The following STK33 variants were observed in gnomAD, a reference collection of about 807,000 sequenced individuals.
The protein encoded by STK33 is serine/threonine-protein kinase 33.
In STK33, 52 loss-of-function variants were observed where a neutral mutation model predicts 58.0. That is an observed-to-expected ratio of 0.90 (90% CI 0.72 to 1.13). The LOEUF (loss-of-function observed/expected upper bound fraction) is 1.13, where lower values mean the gene tolerates loss of function less well. Ranked by LOEUF, STK33 falls within the 50% of genes most tolerant of loss-of-function variation. The pLI is 0.00. For missense variants in STK33, 630 were observed against 604.2 expected, an observed-to-expected ratio of 1.04 and a Z score of -0.45; for synonymous variants, 215 against 200.1, an observed-to-expected ratio of 1.07 and a Z score of -0.63.
intron 1 of STK33, among the ~76,000 whole-genome samples, chr11:8,498,081 A>G (rs1951199600): frequency 6.6e-6 from 1 of 152,244 alleles, no homozygotes; most frequent in Non-Finnish European, 1.5e-5. Flanking sequence ...GTAGTATACT[A>G]TATTAATGCA....
At chr11:8,444,783 T>C (rs1945209391) in intron 11 of STK33, among the ~76,000 whole-genome samples, 1 of 152,158 alleles carries the variant, frequency 6.6e-6, no homozygotes, top group South Asian at 2.1e-4. Context: ...GAAAAAATAA[T>C]AGAAACTTTA....
chr11:8,570,106 G>C (rs1957705090), intron 1 of STK33, among the ~76,000 whole-genome samples: 1 of 151,872 alleles, frequency 6.6e-6, no homozygotes, highest in Non-Finnish European at 1.5e-5. Flanking sequence ...AAAAAAATAG[G>C]CAAAAGAACA....
chr11:8,582,013 A>G (rs1020869452), intron 1 of STK33, among the ~76,000 whole-genome samples: 3 of 152,240 alleles, frequency 2.0e-5, no homozygotes, highest in African/African-American at 7.2e-5. Flanking sequence ...CAAAATGACT[A>G]TAGTGCTCCC....
intron 1 of STK33, among the ~76,000 whole-genome samples, chr11:8,540,868 TTTAG>T (rs1185229616): frequency 6.6e-6 from 1 of 152,052 alleles, no homozygotes; most frequent in African/African-American, 2.4e-5. Flanking sequence ...TATTAGACAT[TTTAG>T]TTAAATAACT....
At chr11:8,489,967 G>C (rs950974589) in intron 1 of STK33, among the ~76,000 whole-genome samples, 1 of 152,150 alleles carries the variant, frequency 6.6e-6, no homozygotes, top group Non-Finnish European at 1.5e-5. Flanking sequence ...TGGCCGAATA[G>C]GAACAGCTCT....
intron 1 of STK33, among the ~76,000 whole-genome samples, chr11:8,537,232 A>C (rs1023022389): frequency 6.6e-6 from 1 of 151,664 alleles, no homozygotes; most frequent in Non-Finnish European, 1.5e-5. Flanking sequence ...CGCCGACCTC[A>C]GCCTCCCAAA....
the STK33 span, among the ~76,000 whole-genome samples, chr11:8,385,379 C>T: frequency 6.6e-6 from 1 of 152,180 alleles, no homozygotes; most frequent in East Asian, 1.9e-4. Context: ...GACCTGACCC[C>T]TGTCTCTCCC....
At chr11:8,493,016 C>T (rs1460119792) in intron 1 of STK33, among the ~76,000 whole-genome samples, 1 of 151,774 alleles carries the variant, frequency 6.6e-6, no homozygotes, top group African/African-American at 2.4e-5. Flanking sequence ...AAATTGACAC[C>T]CTAACATTAC....
At chr11:8,363,349 A>G in the STK33 span, among the ~76,000 whole-genome samples, 246 of 152,322 alleles carry the variant, frequency 1.6e-3, no homozygotes, top group African/African-American at 5.8e-3. Flanking sequence ...TTCAGTATAC[A>G]GCTGGATGAT....
chr11:8,592,935 C>G (rs1179879217), intron 1 of STK33, among the ~76,000 whole-genome samples: 2 of 152,142 alleles, frequency 1.3e-5, no homozygotes, highest in East Asian at 1.9e-4. Context: ...TAAGAGGCTA[C>G]TACTGGACAA....
intron 7 of STK33, among the ~76,000 whole-genome samples, chr11:8,463,527 A>G (rs1185083679): frequency 6.6e-6 from 1 of 152,112 alleles, no homozygotes; most frequent in African/African-American, 2.4e-5. Context: ...GGGACCCTCG[A>G]CCTAAAGGAT....
chr11:8,418,392 C>T (rs1326481207), intron 14 of STK33, among the ~76,000 whole-genome samples: 1 of 152,114 alleles, frequency 6.6e-6, no homozygotes, highest in African/African-American at 2.4e-5. Context: ...CCTCTAGTTC[C>T]AGCCATGTTC....
chr11:8,376,923 G>T, the STK33 span, among the ~76,000 whole-genome samples: 7 of 152,276 alleles, frequency 4.6e-5, no homozygotes, highest in Admixed American at 3.3e-4. Flanking sequence ...TCTGAAACCT[G>T]AAGTCCTCAA....
intron 11 of STK33, among the ~76,000 whole-genome samples, chr11:8,444,656 T>C (rs1313455498): frequency 6.6e-6 from 1 of 152,040 alleles, no homozygotes; most frequent in African/African-American, 2.4e-5. Context: ...AAACATAATA[T>C]GCATATTTAT....
chr11:8,560,168 C>T (rs1957026009), intron 1 of STK33, among the ~76,000 whole-genome samples: 1 of 152,222 alleles, frequency 6.6e-6, no homozygotes, highest in South Asian at 2.1e-4. Context: ...AGCAGTAGCA[C>T]TGCAGAGATA....
chr11:8,582,057 G>C (rs1449169469), intron 1 of STK33, among the ~76,000 whole-genome samples: 6 of 152,114 alleles, frequency 3.9e-5, no homozygotes, highest in Admixed American at 3.9e-4. Context: ...GACACTAATT[G>C]AATGTCCATA....
chr11:8,461,933 T>C (rs775809009), intron 7 of STK33, 24 bp from the exon 8 acceptor site: 2 of 1,534,670 alleles, frequency 1.3e-6, no homozygotes, highest in Non-Finnish European at 1.8e-6. Context: ...GAAACACAGA[T>C]TTCACATAAT....
chr11:8,475,876 G>A (rs1169378186), intron 4 of STK33: 2 of 152,138 alleles, frequency 1.3e-5, no homozygotes, highest in African/African-American at 2.4e-5. Flanking sequence ...AGTAGATTCT[G>A]TAGTCATAGA....
At chr11:8,371,076 G>A in the STK33 span, among the ~76,000 whole-genome samples, 1 of 152,194 alleles carries the variant, frequency 6.6e-6, no homozygotes, top group Admixed American at 6.5e-5. Context: ...GGGGCCTGGG[G>A]CAGAGGAGGA....
Sources: gnomAD v4.1 joint callset for allele counts (sites outside exome capture counted in the v4.1 genomes callset) on GRCh38, gnomAD v4.1.1 for gene constraint, MANE v1.5 for transcripts, NCBI Gene and HGNC (gene_info 2026-07-23, HGNC 2026-07-21) for gene names.